Variants in CTNNA3 observed in about 807,000 individuals in gnomAD.
CTNNA3 encodes catenin alpha-3.
In CTNNA3, 76 loss-of-function variants were observed where a neutral mutation model predicts 95.7. That is an observed-to-expected ratio of 0.79 (90% CI 0.66 to 0.96). The LOEUF (loss-of-function observed/expected upper bound fraction) is 0.96, where lower values mean the gene tolerates loss of function less well. Among genes scored for constraint, CTNNA3 ranks in the 40% least tolerant of loss-of-function variants. The pLI, the probability that CTNNA3 is intolerant of heterozygous loss-of-function variation, is 0.00. For missense variants in CTNNA3, 1,191 were observed against 1,089.8 expected (o/e 1.09, Z -1.31); for synonymous variants, 431 against 374.4 (o/e 1.15, Z -1.74).
chr10:66,803,426 T>G (rs1841508432), intron 7 of CTNNA3, among the ~76,000 whole-genome samples: 1 of 151,990 alleles, frequency 6.6e-6, no homozygotes, highest in Non-Finnish European at 1.5e-5. Context: ...CTTCCTTCTC[T>G]CAGGCAAAGT....
At chr10:66,143,996 T>G (rs1244295581) in intron 13 of CTNNA3, among the ~76,000 whole-genome samples, 2 of 152,226 alleles carry the variant, frequency 1.3e-5, no homozygotes, top group Admixed American at 1.3e-4. Flanking sequence ...GATTGTACTG[T>G]TTTCCCCCAT....
chr10:66,766,501 C>A (rs1839864426), intron 8 of CTNNA3, 85 bp from the exon 9 acceptor site: 3 of 1,209,916 alleles, frequency 2.5e-6, no homozygotes, highest in African/African-American at 3.0e-5. Flanking sequence ...AGTAGTTACA[C>A]AACTCATTTT....
At chr10:66,606,025 A>C (rs1036851238) in intron 10 of CTNNA3, among the ~76,000 whole-genome samples, 6 of 151,956 alleles carry the variant, frequency 3.9e-5, no homozygotes, top group South Asian at 2.1e-4. Flanking sequence ...ATAAAGAACC[A>C]AGACTGATTT....
intron 13 of CTNNA3, among the ~76,000 whole-genome samples, chr10:66,193,604 T>A (rs1189121434): frequency 3.9e-5 from 6 of 152,232 alleles, no homozygotes; most frequent in Non-Finnish European, 7.3e-5. Flanking sequence ...TTTTGTCTAA[T>A]ATCATTTTTA....
In CTNNA3 at chr10:67,022,028, C is replaced by T. The variant is rs76270758; in HGVS notation, c.1047+158289G>A. Among the ~76,000 whole-genome samples the T allele has an allele frequency of 2.8e-3, 432 of 152,254 alleles. 7 individuals are homozygous for T. The East Asian group carries it at 0.042, about 15-fold the overall frequency. On this transcript the variant is annotated intron_variant, in intron 7 of 17. Coordinates refer to ENST00000433211, the MANE Select transcript of CTNNA3 (RefSeq NM_013266.4). Reference sequence around the variant, plus strand: ...GTTAAGTCGCAATAGACCTTTCCTACGCATTTGGAAGTACGAAGTGTATTT... The same window carrying T: ...GTTAAGTCGCAATAGACCTTTCCTATGCATTTGGAAGTACGAAGTGTATTT...
chr10:67,224,524 A>C (rs928126880), intron 5 of CTNNA3, among the ~76,000 whole-genome samples: 1 of 152,164 alleles, frequency 6.6e-6, no homozygotes, highest in Admixed American at 6.5e-5. Context: ...TCTGGGAGAC[A>C]CCACAAATAC....
Position 66,624,298 on chromosome 10 carries a change from G to C in CTNNA3, c.1282-2514C>G, listed in dbSNP as rs183219447. ...AATGATGACCTCACTGGGATGCTTT[G>C]AGAATTAAACGAGATAATGTATGGG... On this transcript the variant is annotated intron_variant, in intron 9 of 17. Transcript: ENST00000433211. 3.7e-3 allele frequency among the ~76,000 whole-genome samples: 565 copies of C among 152,212 alleles called. 4 individuals carry two copies. Among genetic ancestry groups the C allele is most frequent in the African/African-American group, 0.013 (550 of 41,544 alleles).
intron 6 of CTNNA3, among the ~76,000 whole-genome samples, chr10:67,214,643 TG>T (rs1864272672): frequency 6.6e-6 from 1 of 151,964 alleles, no homozygotes; most frequent in South Asian, 2.1e-4. Context: ...GAAAAGTTGT[TG>T]ACAATAAACT....
At chr10:66,995,120 T>C (rs1564819124) in intron 7 of CTNNA3, among the ~76,000 whole-genome samples, 2 of 152,154 alleles carry the variant, frequency 1.3e-5, no homozygotes, top group Non-Finnish European at 2.9e-5. Context: ...TGAGGTGTCA[T>C]TGCTTGAATG....
chr10:67,235,456 G>C (rs1376248290), intron 5 of CTNNA3, among the ~76,000 whole-genome samples: 1 of 151,998 alleles, frequency 6.6e-6, no homozygotes, highest in African/African-American at 2.4e-5. Context: ...AAACTGGCTA[G>C]CCATATGTAG....
intron 17 of CTNNA3, among the ~76,000 whole-genome samples, chr10:65,960,341 G>A (rs577341984): frequency 1.1e-4 from 16 of 151,968 alleles, no homozygotes; most frequent in African/African-American, 3.4e-4. Flanking sequence ...TCGAGACCAC[G>A]GTGAAACCCC....
At chr10:66,220,837 C>G (rs1220477136) in intron 13 of CTNNA3, among the ~76,000 whole-genome samples, 1 of 152,122 alleles carries the variant, frequency 6.6e-6, no homozygotes, top group Non-Finnish European at 1.5e-5. Flanking sequence ...CTCTCCTTCT[C>G]TGCCACATGC....
At chr10:67,684,674 A>G (rs1218169557) in intron 1 of CTNNA3, among the ~76,000 whole-genome samples, 2 of 152,016 alleles carry the variant, frequency 1.3e-5, no homozygotes, top group East Asian at 3.9e-4. Flanking sequence ...CCAGCGGGTC[A>G]CTCCAGGGGT....
intron 1 of CTNNA3, among the ~76,000 whole-genome samples, chr10:67,717,394 T>C (rs1203103133): frequency 6.6e-6 from 1 of 152,220 alleles, no homozygotes; most frequent in Non-Finnish European, 1.5e-5. Flanking sequence ...ACTTTGCTCA[T>C]GCCTATGTCC....
At chr10:66,214,844 T>G (rs2088410986) in intron 13 of CTNNA3, among the ~76,000 whole-genome samples, 1 of 152,072 alleles carries the variant, frequency 6.6e-6, no homozygotes, top group African/African-American at 2.4e-5. Flanking sequence ...GGTGGCTGCC[T>G]GAGGGTAGAG....
intron 7 of CTNNA3, among the ~76,000 whole-genome samples, chr10:67,083,565 AC>A (rs1296042701): frequency 2.0e-5 from 3 of 152,178 alleles, no homozygotes; most frequent in African/African-American, 7.2e-5. Context: ...TAGAATTTGT[AC>A]ATTTTAATTT....
intron 16 of CTNNA3, among the ~76,000 whole-genome samples, chr10:65,981,696 T>C (rs578182001): frequency 7.2e-5 from 11 of 151,842 alleles, no homozygotes; most frequent in African/African-American, 2.7e-4. Context: ...TAAAGCCAAA[T>C]GCTTACAGTG....
chr10:66,707,697 A>C (rs140681911), intron 9 of CTNNA3, among the ~76,000 whole-genome samples: 2 of 152,228 alleles, frequency 1.3e-5, no homozygotes, highest in Admixed American at 6.6e-5. Flanking sequence ...CTTGGGTGGA[A>C]ATACATGGAT....
At chr10:67,761,322 T>G (rs915772764) in intron 1 of CTNNA3, among the ~76,000 whole-genome samples, 11 of 152,122 alleles carry the variant, frequency 7.2e-5, no homozygotes, top group Non-Finnish European at 1.5e-4. Context: ...GATGAAGAGA[T>G]TGGACTAACT....
Sources: gnomAD v4.1 joint callset for allele counts (sites outside exome capture counted in the v4.1 genomes callset) on GRCh38, gnomAD v4.1.1 for gene constraint, MANE v1.5 for transcripts, NCBI Gene and HGNC (gene_info 2026-07-23, HGNC 2026-07-21) for gene names.